TJP3: variants seen among roughly 807,000 people sequenced by gnomAD.
The protein encoded by TJP3 is tight junction protein 3.
A neutral mutation model predicts 104.2 loss-of-function variants in TJP3; 85 were observed. The ratio of observed to expected loss-of-function variants is 0.82; its 90% CI spans 0.68 to 0.98. The LOEUF (loss-of-function observed/expected upper bound fraction) is 0.98. TJP3 is among the 50% of genes least tolerant of loss of function. The pLI is 0.00. For synonymous variants in TJP3, 550 were observed against 550.6 expected (o/e 1.00, Z 0.02); for missense variants, 1,367 against 1,322.8 (o/e 1.03, Z -0.52).
chr19:3,738,489 C>T, intron 11 of TJP3, 66 bp from the exon 12 acceptor site: 1 of 1,425,386 alleles, frequency 7.0e-7, no homozygotes, highest in Non-Finnish European at 9.8e-7. Flanking sequence ...AGAGGAAGGT[C>T]CAGGATCTCA....
chr19:3,716,965 ACTT>A, intron 1 of TJP3, among the ~76,000 whole-genome samples: 2 of 103,040 alleles, frequency 1.9e-5, no homozygotes, highest in Admixed American at 2.4e-4. Flanking sequence ...CGCCCAGGTG[ACTT>A]TTTTTTTTTT....
At chr19:3,726,580 CAG>C (rs1456742008) in intron 1 of TJP3, among the ~76,000 whole-genome samples, 1 of 150,138 alleles carries the variant, frequency 6.7e-6, no homozygotes, top group African/African-American at 2.4e-5. Flanking sequence ...GCCTCAGCAA[CAG>C]AGTTTTTTTT....
intron 1 of TJP3, among the ~76,000 whole-genome samples, chr19:3,711,395 C>T (rs1049784445): frequency 6.4e-5 from 9 of 140,156 alleles, no homozygotes; most frequent in Non-Finnish European, 1.1e-4. Flanking sequence ...GACAGGGTTT[C>T]ACCGTATTGG....
At chr19:3,733,955 T>C in intron 7 of TJP3, 43 bp downstream of exon 7, 6 of 1,595,764 alleles carry the variant, frequency 3.8e-6, no homozygotes, top group Non-Finnish European at 4.3e-6. Flanking sequence ...GTTGAATGGA[T>C]GGCAGGGAAG....
intron 9 of TJP3, 34 bp downstream of exon 9, chr19:3,735,673 C>G (rs1599156172): frequency 1.2e-6 from 2 of 1,612,750 alleles, no homozygotes; most frequent in African/African-American, 2.7e-5. Flanking sequence ...CTGTCCCTGA[C>G]ATTTCTGATC....
intron 20 of TJP3, 85 bp from the exon 21 acceptor site, chr19:3,750,497 T>C (rs2036978717): frequency 1.7e-6 from 2 of 1,184,638 alleles, no homozygotes; most frequent in Middle Eastern, 1.9e-4. Flanking sequence ...ACACCCACTG[T>C]GCCTAGCACA....
rs549612772 is a variant in TJP3, at chr19:3,728,442, C to A, written c.10C>A (p.Leu4Met). The stretch of plus-strand genomic sequence containing the variant: ...CGACCAGGTGGCTGACATGGAGGAG[C>A]TGACCATCTGGGAACAGCACACGGC... MEELTIWEQHTATL... is the reference protein window; with the variant it reads MEEMTIWEQHTATL... Residue 4 changes from leucine to methionine, a missense_variant, in exon 2 of 21, where the codon CTG becomes ATG. Leu to Met is a conservative substitution (Grantham distance 15, BLOSUM62 2). Coordinates refer to ENST00000541714, the MANE Select transcript of TJP3 (RefSeq NM_001267560.2). 1.9e-6 allele frequency: 3 copies of A among 1,613,992 alleles called. No individual in the cohort carries two copies. Among genetic ancestry groups the A allele is most frequent in the African/African-American group, 1.3e-5 (1 of 74,944 alleles).
chr19:3,734,860 A>C (rs2036718691), intron 8 of TJP3, among the ~76,000 whole-genome samples: 1 of 152,204 alleles, frequency 6.6e-6, no homozygotes, highest in Non-Finnish European at 1.5e-5. Flanking sequence ...AGGCTGAGGC[A>C]GGAGAATCAC....
intron 8 of TJP3, among the ~76,000 whole-genome samples, chr19:3,734,794 A>G: frequency 6.6e-6 from 1 of 152,146 alleles, no homozygotes; most frequent in East Asian, 1.9e-4. Context: ...GTCTCTACTA[A>G]GATACCAAAA....
chr19:3,742,373 C>T (rs1196873808), intron 14 of TJP3, among the ~76,000 whole-genome samples: 2 of 151,898 alleles, frequency 1.3e-5, no homozygotes, highest in East Asian at 3.9e-4. Flanking sequence ...GTCGAGGCTG[C>T]GGAGAGCTAT....
Position 3,730,743 on chromosome 19 carries a change from G to A in TJP3, c.613+37G>A. ...CGGGAGGTCGGACACGATCAGTACT[G>A]GACACAGGGCACCGTGGTCGGATGG... On this transcript the variant is annotated intron_variant, in intron 5 of 20. Coordinates refer to ENST00000541714, the MANE Select transcript of TJP3 (RefSeq NM_001267560.2). The surrounding 1 kb of genome is among the most constrained non-coding windows in gnomAD (Gnocchi z 7.3). The A allele has an allele frequency of 6.4e-7, 1 of 1,567,338 alleles. No homozygotes were observed. The highest frequency in any genetic ancestry group is 1.1e-5 in the South Asian group (1 of 88,526).
intron 1 of TJP3, chr19:3,722,030 A>G: frequency 2.0e-6 from 1 of 510,980 alleles, no homozygotes. Flanking sequence ...ACAGGCAGGG[A>G]AACTGAGTCC....
intron 1 of TJP3, among the ~76,000 whole-genome samples, chr19:3,715,164 A>G (rs368458786): frequency 6.7e-6 from 1 of 149,714 alleles, no homozygotes; most frequent in African/African-American, 2.5e-5. Flanking sequence ...ATCTCGGCTC[A>G]CTGCAACCTC....
At chr19:3,722,017 A>G (rs1036767480) in intron 1 of TJP3, 2 of 581,466 alleles carry the variant, frequency 3.4e-6, no homozygotes, top group African/African-American at 1.9e-5. Context: ...GCCTACCTAC[A>G]TAACAGGCAG....
chr19:3,738,089 T>TCCATTGGCTGTGG (rs2036761415), intron 11 of TJP3, among the ~76,000 whole-genome samples: 1 of 151,630 alleles, frequency 6.6e-6, no homozygotes, highest in South Asian at 2.1e-4. Context: ...GATGGCTGTG[T>TCCATTGGCTGTGG]CCATATATTG....
intron 1 of TJP3, among the ~76,000 whole-genome samples, chr19:3,717,427 AT>A (rs2036490225): frequency 2.1e-5 from 3 of 142,508 alleles, no homozygotes; most frequent in African/African-American, 5.1e-5. Flanking sequence ...ATATATATAT[AT>A]AATTTTATTT....
chr19:3,730,077 A>C lies in TJP3; in HGVS notation c.208A>C (p.Thr70Pro), dbSNP rs1471514520. 6.2e-7 allele frequency: 1 copy of C among 1,613,856 alleles called. No individual in the cohort carries two copies. The highest frequency in any genetic ancestry group is 8.5e-7 in the Non-Finnish European group (1 of 1,180,000). Residue 70 changes from threonine (T) to proline (P), a missense_variant, in exon 4 of 21, where the codon ACC (threonine) becomes CCC (proline). By Grantham distance (38) the Thr-to-Pro change is conservative. Coordinates refer to ENST00000541714, the MANE Select transcript of TJP3 (RefSeq NM_001267560.2). This position sits in a 1 kb window ranked among gnomAD's most constrained non-coding sequence, Gnocchi z 7.3. ...GAACGGGGTTTCCATGGAGAATGCC[A>C]CCTCCGCGTTTGCCATTCAGATACT... ...MVNGVSMENA[T>P]SAFAIQILKT...
intron 1 of TJP3, among the ~76,000 whole-genome samples, chr19:3,717,112 T>C (rs969924327): frequency 9.0e-5 from 13 of 144,888 alleles, no homozygotes; most frequent in African/African-American, 2.7e-4. Context: ...ATTACAGGCA[T>C]GTGCCACCAC....
chr19:3,740,714 G>C lies in TJP3; in HGVS notation c.1794G>C (p.Leu598=), dbSNP rs2036803972. The C allele has an allele frequency of 3.7e-6, 6 of 1,602,902 alleles. No individual in the cohort carries two copies. Among genetic ancestry groups the C allele is most frequent in the Non-Finnish European group, 5.1e-6 (6 of 1,175,438 alleles). Residue 598 remains leucine, a synonymous_variant, in exon 14 of 21, where the codon CTG becomes CTC. Coordinates refer to ENST00000541714, the MANE Select transcript of TJP3 (RefSeq NM_001267560.2). ...TQRSREDLSA[L]TRQGRYPPYE... ...GGAGCCGTGAGGACCTCTCAGCTCT[G>C]ACCCGACAGGGCCGCTACCCGCCCT... is the stretch of plus-strand genomic sequence containing the variant.
Sources: allele counts gnomAD v4.1 joint callset (sites outside exome capture counted in the v4.1 genomes callset), GRCh38; gene constraint gnomAD v4.1.1; non-coding constraint Gnocchi (gnomAD v3.1); transcripts MANE v1.5; gene names NCBI Gene and HGNC (gene_info 2026-07-23, HGNC 2026-07-21).